KCNAB1: variants seen among roughly 807,000 people sequenced by gnomAD.
KCNAB1 encodes potassium voltage-gated channel subfamily A regulatory beta subunit 1.
A neutral mutation model predicts 64.6 loss-of-function variants in KCNAB1; 35 were observed. The observed-to-expected ratio is 0.54, with a 90% CI of 0.41 to 0.72. The LOEUF (loss-of-function observed/expected upper bound fraction) is 0.72. Ranked by LOEUF, KCNAB1 falls within the 30% of genes least tolerant of loss-of-function variation. KCNAB1 has a pLI of 0.00. For missense variants in KCNAB1, 401 were observed against 512.9 expected (o/e 0.78, Z 2.11); for synonymous variants, 177 against 183.8 (o/e 0.96, Z 0.30).
At chr3:156,443,949 C>G (rs1717213145) in intron 2 of KCNAB1, among the ~76,000 whole-genome samples, 4 of 152,056 alleles carry the variant, frequency 2.6e-5, no homozygotes, top group Admixed American at 2.6e-4. Context: ...CCCTTGAGGA[C>G]CTGGGTGGCA....
chr3:156,275,776 C>T (rs1312910659), intron 1 of KCNAB1, among the ~76,000 whole-genome samples: 6 of 152,184 alleles, frequency 3.9e-5, no homozygotes, highest in Non-Finnish European at 8.8e-5. Context: ...TCTGCCTCCA[C>T]TATTAATTCC....
chr3:156,319,777 T>G (rs963068052), intron 1 of KCNAB1, among the ~76,000 whole-genome samples: 2 of 152,236 alleles, frequency 1.3e-5, no homozygotes, highest in East Asian at 1.9e-4. Flanking sequence ...CTATTGGATA[T>G]TCTCCGTTTT....
chr3:156,535,356 C>T (rs1037852771), intron 13 of KCNAB1, among the ~76,000 whole-genome samples: 3 of 152,182 alleles, frequency 2.0e-5, no homozygotes, highest in African/African-American at 7.2e-5. Flanking sequence ...CAGACTTTTC[C>T]AGTGAGAAAG....
At chr3:156,163,041 T>C (rs1246202860) in intron 1 of KCNAB1, among the ~76,000 whole-genome samples, 1 of 152,238 alleles carries the variant, frequency 6.6e-6, no homozygotes, top group Non-Finnish European at 1.5e-5. Flanking sequence ...AGTTTAGGTG[T>C]GGTTTACTGA....
At chr3:156,166,613 C>T (rs1255229411) in intron 1 of KCNAB1, among the ~76,000 whole-genome samples, 2 of 152,064 alleles carry the variant, frequency 1.3e-5, no homozygotes, top group Admixed American at 6.6e-5. Flanking sequence ...TCAGCAAGAT[C>T]CCAGTGCTTC....
chr3:156,149,188 G>T (rs1715239542), intron 1 of KCNAB1, among the ~76,000 whole-genome samples: 1 of 152,070 alleles, frequency 6.6e-6, no homozygotes, highest in African/African-American at 2.4e-5. Context: ...TCTGTTAAAA[G>T]GGGAGTGTGC....
rs1398531657 is a variant in KCNAB1, at chr3:156,169,120, C to G, written c.275+48234C>G. On this transcript the variant is annotated intron_variant, in intron 1 of 13. Coordinates refer to ENST00000490337, the MANE Select transcript of KCNAB1 (RefSeq NM_172160.3). ...AAATCTTCGTATTATCCACTTGTAT[C>G]TAATAGTATCCTAAGACATAAATAA... is the stretch of plus-strand genomic sequence containing the variant. Among the ~76,000 whole-genome samples the G allele has an allele frequency of 2.0e-5, 3 of 152,108 alleles. No homozygotes were observed. In the East Asian group the frequency reaches 5.8e-4, roughly 29 times the overall value.
chr3:156,514,519 T>C (rs1717428977), intron 9 of KCNAB1, 70 bp downstream of exon 9: 1 of 1,193,014 alleles, frequency 8.4e-7, no homozygotes, highest in Admixed American at 1.8e-5. Flanking sequence ...CATGCATAAA[T>C]TGCAAGATCT....
intron 1 of KCNAB1, among the ~76,000 whole-genome samples, chr3:156,395,867 A>G (rs182798656): frequency 4.9e-4 from 75 of 152,304 alleles, no homozygotes; most frequent in Middle Eastern, 3.4e-3. Flanking sequence ...CCTCCAGTGC[A>G]CGGGAAAAGC....
intron 1 of KCNAB1, among the ~76,000 whole-genome samples, chr3:156,395,478 G>A (rs1315337476): frequency 2.2e-5 from 3 of 139,006 alleles, no homozygotes; most frequent in Non-Finnish European, 1.5e-5. Context: ...CAGGGAGGCG[G>A]AGCTTGCAGT....
At chr3:156,288,693 G>T (rs1720228780) in intron 1 of KCNAB1, among the ~76,000 whole-genome samples, 2 of 152,170 alleles carry the variant, frequency 1.3e-5, no homozygotes, top group Admixed American at 1.3e-4. Flanking sequence ...GCCAGAAAGA[G>T]ACTAGCACTG....
intron 1 of KCNAB1, among the ~76,000 whole-genome samples, chr3:156,387,210 C>T (rs1712685346): frequency 6.6e-6 from 1 of 151,822 alleles, no homozygotes; most frequent in Non-Finnish European, 1.5e-5. Flanking sequence ...GCTGAAGCAG[C>T]CCCGGGCCAG....
intron 1 of KCNAB1, among the ~76,000 whole-genome samples, chr3:156,237,945 G>C (rs1459987115): frequency 1.3e-5 from 2 of 152,048 alleles, no homozygotes; most frequent in African/African-American, 4.8e-5. Context: ...TCATTTCCTA[G>C]AACAGTGCTA....
chr3:156,309,751 G>T (rs1179982503), intron 1 of KCNAB1, among the ~76,000 whole-genome samples: 3 of 152,194 alleles, frequency 2.0e-5, no homozygotes, highest in African/African-American at 7.2e-5. Flanking sequence ...TGGTGTAAAG[G>T]CTGGCAGTCC....
At chr3:156,365,450 A>T (rs1251462990) in intron 1 of KCNAB1, among the ~76,000 whole-genome samples, 1 of 152,210 alleles carries the variant, frequency 6.6e-6, no homozygotes, top group East Asian at 1.9e-4. Flanking sequence ...CTTTAGCCTC[A>T]TAGAATGTTA....
chr3:156,392,574 G>C (rs998938668), intron 1 of KCNAB1, among the ~76,000 whole-genome samples: 1 of 152,166 alleles, frequency 6.6e-6, no homozygotes, highest in Non-Finnish European at 1.5e-5. Flanking sequence ...CAATCTCAAA[G>C]AGAAAGCTTT....
At chr3:156,397,868 A>G (rs933616598) in intron 1 of KCNAB1, among the ~76,000 whole-genome samples, 1 of 152,212 alleles carries the variant, frequency 6.6e-6, no homozygotes, top group Non-Finnish European at 1.5e-5. Flanking sequence ...ACATAAATAT[A>G]TTTATTCAGC....
intron 1 of KCNAB1, among the ~76,000 whole-genome samples, chr3:156,212,192 G>A (rs1278190428): frequency 6.6e-6 from 1 of 152,140 alleles, no homozygotes; most frequent in Non-Finnish European, 1.5e-5. Flanking sequence ...AAGAACAGAG[G>A]CTGTGTGCAG....
intron 13 of KCNAB1, among the ~76,000 whole-genome samples, chr3:156,534,999 C>T (rs972999760): frequency 1.3e-5 from 2 of 151,842 alleles, no homozygotes; most frequent in African/African-American, 4.8e-5. Flanking sequence ...ACGTGGCTAA[C>T]CCGCTGTATT....
Sources: gnomAD v4.1 joint callset for allele counts (sites outside exome capture counted in the v4.1 genomes callset) on GRCh38, gnomAD v4.1.1 for gene constraint, MANE v1.5 for transcripts, NCBI Gene and HGNC (gene_info 2026-07-23, HGNC 2026-07-21) for gene names.